Variants in SAP130 observed in about 807,000 individuals in gnomAD.
SAP130 encodes Sin3A associated protein 130.
SAP130 carries 16 observed loss-of-function variants against 103.2 expected under a neutral mutation model. The observed-to-expected ratio is 0.16, with a 90% CI of 0.10 to 0.24. The LOEUF is 0.24. Among genes scored for constraint, SAP130 ranks in the 10% least tolerant of loss-of-function variants. The pLI is 1.00. For synonymous variants in SAP130, 477 were observed against 497.0 expected (o/e 0.96, Z 0.53); for missense variants, 990 against 1,359.7 (o/e 0.73, Z 4.28).
At chr2:128,011,990 T>C (rs1038136277) in intron 6 of SAP130, among the ~76,000 whole-genome samples, 5 of 152,134 alleles carry the variant, frequency 3.3e-5, no homozygotes, top group African/African-American at 1.2e-4. Flanking sequence ...TTTTTTGGCA[T>C]TTTAGTAGAG....
Position 128,005,008 on chromosome 2 carries a change from A to G in SAP130, c.870-4554T>C, listed in dbSNP as rs150536876. Among the ~76,000 whole-genome samples the G allele has an allele frequency of 3.3e-4, 51 of 152,388 alleles. 1 individual carries two copies. The South Asian group carries it at 6.4e-3, about 19-fold the overall frequency. On this transcript the variant is annotated intron_variant, in intron 7 of 20. Coordinates refer to ENST00000643581, the MANE Select transcript of SAP130 (RefSeq NM_001330301.2). ...GATGCTAAAAGACAAAAGGTGGAAC[A>G]AAACACACCAGAAGTGCTTTCACTA...
intron 6 of SAP130, among the ~76,000 whole-genome samples, chr2:128,012,571 T>A (rs892529328): frequency 6.6e-6 from 1 of 152,178 alleles, no homozygotes; most frequent in Non-Finnish European, 1.5e-5. Flanking sequence ...AGATACTATA[T>A]TTCCTGCAAA....
intron 1 of SAP130, 31 bp downstream of exon 1, chr2:128,027,909 C>G: frequency 1.0e-6 from 1 of 985,136 alleles, no homozygotes; most frequent in Non-Finnish European, 1.2e-6. Flanking sequence ...GTCTCCTCCC[C>G]TTCCCTCCCG....
intron 15 of SAP130, among the ~76,000 whole-genome samples, chr2:127,957,902 A>C (rs1461271570): frequency 4.6e-5 from 7 of 152,120 alleles, no homozygotes; most frequent in African/African-American, 9.7e-5. Flanking sequence ...GAGTTTCCCC[A>C]AAAAAAGGAG....
At chr2:127,970,945 TTATC>T (rs1681042419) in intron 15 of SAP130, among the ~76,000 whole-genome samples, 1 of 152,106 alleles carries the variant, frequency 6.6e-6, no homozygotes, top group East Asian at 1.9e-4. Flanking sequence ...GGTTTTTCTT[TTATC>T]TTTCTCTCTT....
chr2:127,970,901 C>T (rs958650486), intron 15 of SAP130, among the ~76,000 whole-genome samples: 4 of 152,028 alleles, frequency 2.6e-5, no homozygotes, highest in African/African-American at 9.7e-5. Flanking sequence ...ATGACGCATG[C>T]TTGGTCTTAC....
intron 2 of SAP130, among the ~76,000 whole-genome samples, chr2:128,024,378 A>G (rs1426765174): frequency 1.3e-5 from 2 of 152,122 alleles, no homozygotes; most frequent in Non-Finnish European, 2.9e-5. Flanking sequence ...AGGCTGGAAC[A>G]TTAGACAAGG....
At chr2:127,997,423 G>C (rs915963833) in intron 10 of SAP130, among the ~76,000 whole-genome samples, 2 of 152,188 alleles carry the variant, frequency 1.3e-5, no homozygotes, top group African/African-American at 4.8e-5. Context: ...TAGACTAGGA[G>C]GATGCCAACA....
intron 15 of SAP130, among the ~76,000 whole-genome samples, chr2:127,977,682 T>C (rs1382614674): frequency 6.6e-6 from 1 of 152,076 alleles, no homozygotes; most frequent in African/African-American, 2.4e-5. Context: ...ATGAGGCAAA[T>C]GGGAATCAGA....
In SAP130 at chr2:127,977,594, T is replaced by G. The variant is rs115651600; in HGVS notation, c.2063+391A>C. ...GCTATAAGGCACATACAAAGTGTTT[T>G]AAAAGTATCATTTTGTTTAAATACA... On this transcript the variant is annotated intron_variant, in intron 15 of 20. Transcript: ENST00000643581. Among the ~76,000 whole-genome samples the G allele has an allele frequency of 4.5e-3, 688 of 152,336 alleles. 6 individuals are homozygous for G. The highest frequency in any genetic ancestry group is 0.016 in the African/African-American group (646 of 41,570).
intron 7 of SAP130, among the ~76,000 whole-genome samples, chr2:128,008,791 T>A (rs1684165635): frequency 2.6e-5 from 4 of 151,950 alleles, no homozygotes; most frequent in Admixed American, 2.6e-4. Context: ...GCTCAAGTCA[T>A]CCTCCCACCT....
intron 11 of SAP130, among the ~76,000 whole-genome samples, chr2:127,994,187 T>C (rs1156435877): frequency 1.3e-5 from 2 of 152,210 alleles, no homozygotes; most frequent in African/African-American, 2.4e-5. Context: ...ACCTAAAAGA[T>C]AAAAATATTC....
chr2:127,999,802 G>A lies in SAP130; in HGVS notation c.1152C>T (p.Thr384=). 6.5e-7 allele frequency: 1 copy of A among 1,537,136 alleles called. No individual in the cohort carries two copies. ...GGGAGGAATGGGAGGGTACTGTCATGGTAACAATGGTACTTGTGGGAGCTT... is the reference window on the plus strand; with the variant it reads ...GGGAGGAATGGGAGGGTACTGTCATAGTAACAATGGTACTTGTGGGAGCTT... ...HTQAPTSTIV[T]MTVPSHSSHA... is the part of the protein sequence containing the mutation. Residue 384 remains threonine (T), a synonymous_variant, in exon 10 of 21, where the codon ACC becomes ACT. Coordinates refer to ENST00000643581, the MANE Select transcript of SAP130 (RefSeq NM_001330301.2).
intron 10 of SAP130, among the ~76,000 whole-genome samples, 189 bp downstream of exon 10, chr2:127,999,552 C>T (rs749378697): frequency 3.3e-5 from 5 of 149,634 alleles, no homozygotes; most frequent in Non-Finnish European, 7.4e-5. Context: ...TGCAGTGAGT[C>T]GAGATCACGT....
At chr2:128,020,673 C>A (rs1457284262) in intron 2 of SAP130, among the ~76,000 whole-genome samples, 1 of 152,164 alleles carries the variant, frequency 6.6e-6, no homozygotes, top group Non-Finnish European at 1.5e-5. Flanking sequence ...AGGATTAGAA[C>A]TACTGGGTAG....
At chr2:127,946,617 T>C (rs1679093117) in intron 18 of SAP130, among the ~76,000 whole-genome samples, 1 of 152,054 alleles carries the variant, frequency 6.6e-6, no homozygotes. Flanking sequence ...CCGCAGTGGC[T>C]CACACCTGTA....
intron 19 of SAP130, among the ~76,000 whole-genome samples, 190 bp downstream of exon 19, chr2:127,945,266 G>A (rs559154338): frequency 7.9e-5 from 12 of 152,312 alleles, no homozygotes; most frequent in Non-Finnish European, 1.5e-4. Flanking sequence ...CCAGAACTTA[G>A]ATATATTTCA....
chr2:127,972,282 C>G (rs2461445), intron 15 of SAP130, among the ~76,000 whole-genome samples: 115,463 of 152,162 alleles, frequency 0.76, 45,902 homozygotes, highest in Non-Finnish European at 0.88. Flanking sequence ...CACTTGAAAA[C>G]TAAGTCCATA....
intron 15 of SAP130, among the ~76,000 whole-genome samples, chr2:127,967,244 C>T (rs373392959): frequency 1.3e-5 from 2 of 152,204 alleles, no homozygotes; most frequent in African/African-American, 4.8e-5. Context: ...CCTACCAGGG[C>T]AGAACTCATG....
Sources: allele counts gnomAD v4.1 joint callset (sites outside exome capture counted in the v4.1 genomes callset), GRCh38; gene constraint gnomAD v4.1.1; transcripts MANE v1.5; gene names NCBI Gene and HGNC (gene_info 2026-07-23, HGNC 2026-07-21).